The following GALNT13 variants were observed in gnomAD, a reference collection of about 807,000 sequenced individuals.
The protein encoded by GALNT13 is UDP-GalNAc:polypeptide N-acetylgalactosaminyltransferase 13.
GALNT13 carries 28 observed loss-of-function variants against 64.2 expected under a neutral mutation model. The ratio of observed to expected loss-of-function variants is 0.44; its 90% CI spans 0.32 to 0.60. The LOEUF (loss-of-function observed/expected upper bound fraction) is 0.60, where lower values mean the gene tolerates loss of function less well. Among genes scored for constraint, GALNT13 ranks in the 20% least tolerant of loss-of-function variants. The pLI is 0.05. For missense variants in GALNT13, 577 were observed against 669.8 expected, an observed-to-expected ratio of 0.86 and a Z score of 1.53; for synonymous variants, 214 against 224.6, an observed-to-expected ratio of 0.95 and a Z score of 0.42.
chr2:153,967,791 T>C (rs950589515), intron 3 of GALNT13, among the ~76,000 whole-genome samples: 1 of 152,148 alleles, frequency 6.6e-6, no homozygotes, highest in Admixed American at 6.5e-5. Context: ...CCAAGGCTAC[T>C]TTAGTCAGCA....
At chr2:153,452,695 C>T in the GALNT13 span, among the ~76,000 whole-genome samples, 1 of 152,126 alleles carries the variant, frequency 6.6e-6, no homozygotes, top group East Asian at 1.9e-4. Context: ...GATGTTCATA[C>T]TGCCCCAAGA....
the GALNT13 span, among the ~76,000 whole-genome samples, chr2:153,599,254 C>G: frequency 6.6e-6 from 1 of 151,962 alleles, no homozygotes; most frequent in Non-Finnish European, 1.5e-5. Flanking sequence ...TTGAATTTTT[C>G]TCTTCTAGCT....
the GALNT13 span, among the ~76,000 whole-genome samples, chr2:153,548,466 C>T: frequency 7.9e-5 from 12 of 152,048 alleles, no homozygotes; most frequent in African/African-American, 2.4e-4. Context: ...ATATACTTAA[C>T]GTGAGTAGTA....
chr2:153,151,672 C>T, the GALNT13 span, among the ~76,000 whole-genome samples: 484 of 152,186 alleles, frequency 3.2e-3, 5 homozygotes, highest in Middle Eastern at 0.024. Flanking sequence ...GAGTTCATGT[C>T]CTCTGTAGGG....
intron 12 of GALNT13, among the ~76,000 whole-genome samples, chr2:154,444,710 ATG>A (rs1048401720): frequency 7.2e-5 from 11 of 152,108 alleles, no homozygotes; most frequent in African/African-American, 2.4e-4. Flanking sequence ...GATATTTGCC[ATG>A]TGTTATTAAT....
At chr2:153,971,836 C>G (rs1347021960) in intron 3 of GALNT13, among the ~76,000 whole-genome samples, 1 of 152,002 alleles carries the variant, frequency 6.6e-6, no homozygotes, top group Admixed American at 6.6e-5. Context: ...AAAATCATGT[C>G]AACCTGGACC....
the GALNT13 span, among the ~76,000 whole-genome samples, chr2:153,701,446 A>G: frequency 1.3e-5 from 2 of 152,238 alleles, no homozygotes; most frequent in Non-Finnish European, 2.9e-5. Flanking sequence ...CAAGGATTTC[A>G]TGATGAAAAT....
intron 12 of GALNT13, among the ~76,000 whole-genome samples, chr2:154,445,031 T>C (rs1271582244): frequency 6.6e-6 from 1 of 151,980 alleles, no homozygotes; most frequent in Non-Finnish European, 1.5e-5. Context: ...TTTCAAACAG[T>C]ATACTGAGAA....
At chr2:153,895,697 T>G (rs948105691) in intron 1 of GALNT13, among the ~76,000 whole-genome samples, 1 of 152,046 alleles carries the variant, frequency 6.6e-6, no homozygotes, top group African/African-American at 2.4e-5. Flanking sequence ...GTACATCAGT[T>G]TCATAAAATA....
chr2:153,866,239 C>A, the GALNT13 span, among the ~76,000 whole-genome samples: 1 of 141,810 alleles, frequency 7.1e-6, no homozygotes, highest in African/African-American at 2.6e-5. Flanking sequence ...TGCAGCGCAC[C>A]AGCACGGCAC....
At chr2:153,756,698 C>A in the GALNT13 span, among the ~76,000 whole-genome samples, 5 of 151,962 alleles carry the variant, frequency 3.3e-5, no homozygotes, top group African/African-American at 1.2e-4. Context: ...TCCAGGTTTA[C>A]CATTTTAGAA....
chr2:153,817,936 G>A, the GALNT13 span, among the ~76,000 whole-genome samples: 7 of 152,102 alleles, frequency 4.6e-5, no homozygotes, highest in Admixed American at 1.3e-4. Context: ...AGCAGCTAAT[G>A]TGCACTGCTC....
intron 8 of GALNT13, among the ~76,000 whole-genome samples, chr2:154,262,907 C>A (rs1006840864): frequency 6.6e-6 from 1 of 151,828 alleles, no homozygotes; most frequent in Non-Finnish European, 1.5e-5. Flanking sequence ...TATGAATTAC[C>A]ATCAAAAAGT....
At chr2:153,175,764 G>C in the GALNT13 span, among the ~76,000 whole-genome samples, 1 of 152,050 alleles carries the variant, frequency 6.6e-6, no homozygotes, top group Admixed American at 6.5e-5. Flanking sequence ...TAGGAGCAAC[G>C]AGAACTAGAG....
At chr2:153,245,822 T>A in the GALNT13 span, among the ~76,000 whole-genome samples, 2 of 152,098 alleles carry the variant, frequency 1.3e-5, no homozygotes, top group Admixed American at 6.6e-5. Context: ...AGAAGTAGGC[T>A]TCAGAAGGTG....
the GALNT13 span, among the ~76,000 whole-genome samples, chr2:153,326,998 C>T: frequency 5.3e-5 from 8 of 152,138 alleles, no homozygotes; most frequent in East Asian, 3.9e-4. Flanking sequence ...GCAGGAGAAT[C>T]GCTTGAACCC....
At chr2:153,502,520 T>C in the GALNT13 span, among the ~76,000 whole-genome samples, 10 of 152,262 alleles carry the variant, frequency 6.6e-5, no homozygotes, top group African/African-American at 2.4e-4. Flanking sequence ...TCCATATTTT[T>C]GCAATTGCAA....
chr2:153,846,970 T>C, the GALNT13 span, among the ~76,000 whole-genome samples: 1 of 152,070 alleles, frequency 6.6e-6, no homozygotes, highest in South Asian at 2.1e-4. Flanking sequence ...GACATACAAA[T>C]AAAATATAAT....
At chr2:154,305,302 G>A (rs975866122) in intron 9 of GALNT13, among the ~76,000 whole-genome samples, 1 of 151,922 alleles carries the variant, frequency 6.6e-6, no homozygotes, top group African/African-American at 2.4e-5. Context: ...AATCTGGTGT[G>A]TGTGTTCAGG....
Sources: gnomAD v4.1 joint callset for allele counts (sites outside exome capture counted in the v4.1 genomes callset) on GRCh38, gnomAD v4.1.1 for gene constraint, MANE v1.5 for transcripts, NCBI Gene and HGNC (gene_info 2026-07-23, HGNC 2026-07-21) for gene names.